Variants in TSC22D2 observed in about 807,000 individuals in gnomAD.
TSC22D2 encodes the protein TSC22 domain family member 2, also known as TSC22 domain family protein 2.
A neutral mutation model predicts 50.1 loss-of-function variants in TSC22D2; 5 were observed. That is an observed-to-expected ratio of 0.10 (90% confidence interval 0.05 to 0.21). TSC22D2 has a LOEUF of 0.21. Ranked by LOEUF, TSC22D2 falls within the 10% of genes least tolerant of loss-of-function variation. The pLI is 1.00. For synonymous variants in TSC22D2, 501 were observed against 450.1 expected, an observed-to-expected ratio of 1.11 and a Z score of -1.43; for missense variants, 1,003 against 1,015.5, an observed-to-expected ratio of 0.99 and a Z score of 0.17.
At chr3:150,444,605 T>G (rs1051208304) in intron 1 of TSC22D2, among the ~76,000 whole-genome samples, 2 of 152,182 alleles carry the variant, frequency 1.3e-5, no homozygotes, top group Middle Eastern at 6.3e-3. Flanking sequence ...TTTAACAAAT[T>G]TCAGGTCATG....
Position 150,410,875 on chromosome 3 carries a change from G to C in TSC22D2, c.1525G>C (p.Val509Leu). Residue 509 changes from valine (V) to leucine (L), a missense_variant, in exon 1 of 3, where the codon GTG becomes CTG. Transcript: ENST00000688009. ...PHAVVPGVPN[V>L]PAAVPAPSVP... The stretch of plus-strand genomic sequence containing the variant: ...CGCCGTGGTGCCCGGAGTTCCAAAC[G>C]TGCCTGCAGCCGTGCCCGCTCCAAG... The C allele has an allele frequency of 6.2e-7, 1 of 1,613,878 alleles. No homozygotes were observed. Among genetic ancestry groups the C allele is most frequent in the South Asian group, 1.1e-5 (1 of 91,068 alleles).
intron 1 of TSC22D2, among the ~76,000 whole-genome samples, chr3:150,444,944 G>A (rs754106557): frequency 2.6e-5 from 4 of 152,134 alleles, no homozygotes; most frequent in Non-Finnish European, 2.9e-5. Flanking sequence ...CAAACAACAC[G>A]TTATACCACT....
Position 150,409,218 on chromosome 3 carries a change from CTT to C in TSC22D2, c.-132_-131del. On this transcript the variant is annotated 5_prime_UTR_variant, in exon 1 of 3. Coordinates refer to ENST00000688009, the MANE Select transcript of TSC22D2 (RefSeq NM_001303264.2). This position sits in a 1 kb window ranked among gnomAD's most constrained non-coding sequence, Gnocchi z 7.4. ...CCAGCGCCTGGATCAGCCCGTGACT[CTT>C]AACAGCGGCGGGCCTCAGACCCCAG... 1 of 1,058,450 alleles carries C rather than the reference CTT, an allele frequency of 9.4e-7. No individual in the cohort carries two copies. Among genetic ancestry groups the C allele is most frequent in the South Asian group, 1.7e-5 (1 of 57,320 alleles). 65.6% of individuals were successfully genotyped at this position (1,058,450 alleles called of 1,614,324 possible). A position where few individuals can be genotyped will look rare whatever the true frequency, so the allele number is the denominator to read the frequency against.
chr3:150,430,288 A>G (rs572861404), intron 1 of TSC22D2, among the ~76,000 whole-genome samples: 3 of 152,174 alleles, frequency 2.0e-5, no homozygotes, highest in African/African-American at 4.8e-5. Flanking sequence ...TACTGGCCTT[A>G]TATGATAAGG....
intron 1 of TSC22D2, among the ~76,000 whole-genome samples, chr3:150,432,996 A>G (rs1720427651): frequency 6.6e-6 from 1 of 152,162 alleles, no homozygotes; most frequent in South Asian, 2.1e-4. Flanking sequence ...CAGAGCTTTT[A>G]AATGCCTTAG....
chr3:150,412,944 C>A, intron 1 of TSC22D2, among the ~76,000 whole-genome samples: 1 of 152,102 alleles, frequency 6.6e-6, no homozygotes. Context: ...CTGTATACTG[C>A]CCATATCTCT....
chr3:150,410,357 T>C lies in TSC22D2; in HGVS notation c.1007T>C (p.Met336Thr). ...AATGTAACCCTGGCGCAGCCGGCTA[T>C]GTCCCTGCCTCCGCAGCCGGGCCCT... ...PTNVTLAQPA[M>T]SLPPQPGPAV... The change falls in exon 1 of 3, where the codon ATG (methionine) becomes ACG (threonine). Residue 336 changes from methionine (M) to threonine (T), a missense_variant. Physicochemically the swap from Met to Thr is moderately conservative, Grantham distance 81 (BLOSUM62 -1). This residue lies in a region of TSC22D2 where 696 missense variants were observed against 647.8 expected (regional missense o/e 1.07). Transcript: ENST00000688009. The C allele has an allele frequency of 2.5e-6, 4 of 1,599,284 alleles. No individual in the cohort carries two copies. The highest frequency in any genetic ancestry group is 1.1e-5 in the South Asian group (1 of 89,384).
intron 1 of TSC22D2, among the ~76,000 whole-genome samples, chr3:150,454,818 A>G (rs535973885): frequency 9.2e-5 from 14 of 152,330 alleles, no homozygotes; most frequent in Admixed American, 3.9e-4. Flanking sequence ...ATCATGATCT[A>G]TTTATACCTT....
Position 150,410,028 on chromosome 3 carries a change from G to T in TSC22D2, c.678G>T (p.Val226=), listed in dbSNP as rs775446211. The change falls in exon 1 of 3, where the codon GTG becomes GTT. Residue 226 remains valine, a synonymous_variant. Coordinates refer to ENST00000688009, the MANE Select transcript of TSC22D2 (RefSeq NM_001303264.2). ...SGLGATGGSV[V]VVVASMQGAH... ...TGGGCGCCACCGGAGGGTCGGTGGT[G>T]GTAGTAGTGGCCTCCATGCAGGGGG... The T allele has an allele frequency of 2.8e-5, 45 of 1,613,240 alleles. No homozygotes were observed. The highest frequency in any genetic ancestry group is 3.7e-5 in the Non-Finnish European group (44 of 1,180,028).
intron 1 of TSC22D2, among the ~76,000 whole-genome samples, chr3:150,412,237 T>C (rs1189556617): frequency 6.6e-6 from 1 of 152,182 alleles, no homozygotes; most frequent in African/African-American, 2.4e-5. Context: ...TATTGCAAAA[T>C]TTTAAAAGCT....
At chr3:150,456,795 A>G (rs772363726) in intron 1 of TSC22D2, among the ~76,000 whole-genome samples, 2 of 152,206 alleles carry the variant, frequency 1.3e-5, no homozygotes, top group Admixed American at 6.5e-5. Flanking sequence ...GAACAGAGAA[A>G]TTCTTAATAC....
chr3:150,448,632 A>G (rs1208201206), intron 1 of TSC22D2, among the ~76,000 whole-genome samples: 3 of 152,262 alleles, frequency 2.0e-5, no homozygotes, highest in East Asian at 1.9e-4. Context: ...TTGCTGTGCA[A>G]ATTTTACTTT....
chr3:150,453,633 T>C (rs1380409346), intron 1 of TSC22D2, among the ~76,000 whole-genome samples: 1 of 152,224 alleles, frequency 6.6e-6, no homozygotes, highest in Non-Finnish European at 1.5e-5. Flanking sequence ...AATATTTACA[T>C]TTCTGACAAG....
intron 2 of TSC22D2, among the ~76,000 whole-genome samples, chr3:150,457,572 C>T (rs1307269239): frequency 6.6e-6 from 1 of 152,166 alleles, no homozygotes; most frequent in African/African-American, 2.4e-5. Flanking sequence ...GGGAGGATCA[C>T]TTGAGGCCAG....
rs1384565258 is a variant in TSC22D2 at position 150,410,458 on chromosome 3, C to T, written c.1108C>T (p.Leu370=). ...PQPQIPPGHL[L]PVQPSGQSEY... is the part of the protein sequence containing the mutation. ...GCCTCAGATACCGCCCGGACATTTG[C>T]TGCCCGTCCAGCCCTCCGGCCAGAG... Residue 370 remains leucine, a synonymous_variant, in exon 1 of 3, where the codon CTG becomes TTG. Coordinates refer to ENST00000688009, the MANE Select transcript of TSC22D2 (RefSeq NM_001303264.2). 1.9e-6 allele frequency: 3 copies of T among 1,609,114 alleles called. No homozygotes were observed. The highest frequency in any genetic ancestry group is 2.5e-6 in the Non-Finnish European group (3 of 1,178,582).
At chr3:150,449,780 A>G (rs909870081) in intron 1 of TSC22D2, among the ~76,000 whole-genome samples, 4 of 152,054 alleles carry the variant, frequency 2.6e-5, no homozygotes, top group Non-Finnish European at 5.9e-5. Flanking sequence ...AGGTCGGGAG[A>G]GGAGAGAAAA....
rs1559854862 is a variant in TSC22D2, at chr3:150,463,474, AC to A, written c.*4842del. 6.6e-6 allele frequency: 1 copy of A among 152,124 alleles called. No individual in the cohort carries two copies. The highest frequency in any genetic ancestry group is 1.9e-4 in the East Asian group (1 of 5,196). The allele number at this position is 152,124 out of a possible 1,614,324, so 9.4% of individuals were successfully genotyped here. ...TTATTATTTAGTGATGTATACTTGC[AC>A]CCCATTTACTCCTTTTCAATATTTC... On this transcript the variant is annotated 3_prime_UTR_variant, in exon 3 of 3. Coordinates refer to ENST00000688009, the MANE Select transcript of TSC22D2 (RefSeq NM_001303264.2).
intron 1 of TSC22D2, among the ~76,000 whole-genome samples, chr3:150,412,060 G>A (rs1719595386): frequency 6.6e-6 from 1 of 152,104 alleles, no homozygotes; most frequent in African/African-American, 2.4e-5. Flanking sequence ...TATAATAAAA[G>A]TGTAAATGTT....
At chr3:150,435,046 C>T (rs1028410910) in intron 1 of TSC22D2, among the ~76,000 whole-genome samples, 3 of 152,096 alleles carry the variant, frequency 2.0e-5, no homozygotes, top group Admixed American at 6.6e-5. Context: ...AGCACGATCT[C>T]GGCTCACTGC....
Sources: gnomAD v4.1 joint callset for allele counts (sites outside exome capture counted in the v4.1 genomes callset) on GRCh38, gnomAD v4.1.1 for gene constraint, gnomAD v4.1.1 regional missense constraint, Gnocchi (gnomAD v3.1) non-coding constraint, MANE v1.5 for transcripts, NCBI Gene and HGNC (gene_info 2026-07-23, HGNC 2026-07-21) for gene names.